ROBO1: variants seen among roughly 807,000 people sequenced by gnomAD.
ROBO1 encodes roundabout guidance receptor 1.
In ROBO1, 149 loss-of-function variants were observed where a neutral mutation model predicts 195.9. The observed-to-expected ratio is 0.76, with a 90% CI of 0.67 to 0.87. ROBO1 has a LOEUF of 0.87. ROBO1 is among the 40% of genes least tolerant of loss of function. The pLI is 0.00. For missense variants in ROBO1, 1,933 were observed against 2,068.3 expected, an observed-to-expected ratio of 0.93 and a Z score of 1.27; for synonymous variants, 816 against 733.2, an observed-to-expected ratio of 1.11 and a Z score of -1.82.
intron 2 of ROBO1, among the ~76,000 whole-genome samples, chr3:79,487,897 C>T (rs963089390): frequency 2.0e-5 from 3 of 151,878 alleles, no homozygotes; most frequent in African/African-American, 7.3e-5. Flanking sequence ...AAAATGGGAA[C>T]AATAACTCTC....
intron 1 of ROBO1, among the ~76,000 whole-genome samples, chr3:79,601,325 C>T (rs1320487880): frequency 2.0e-5 from 3 of 151,758 alleles, no homozygotes; most frequent in Non-Finnish European, 4.4e-5. Flanking sequence ...GGAGATGAAG[C>T]TAAAAAAATC....
chr3:79,169,642 A>G (rs1437709092), intron 2 of ROBO1, among the ~76,000 whole-genome samples: 4 of 152,192 alleles, frequency 2.6e-5, no homozygotes, highest in Non-Finnish European at 4.4e-5. Flanking sequence ...AAGATCCCTT[A>G]GGGTGGTTAA....
At chr3:79,693,599 T>C (rs1194032855) in intron 1 of ROBO1, among the ~76,000 whole-genome samples, 8 of 151,646 alleles carry the variant, frequency 5.3e-5, no homozygotes, top group Non-Finnish European at 8.8e-5. Context: ...GCTTGCCTAA[T>C]TTTTATAATT....
At chr3:79,177,789 T>A (rs1182995295) in intron 2 of ROBO1, among the ~76,000 whole-genome samples, 1 of 152,244 alleles carries the variant, frequency 6.6e-6, no homozygotes, top group African/African-American at 2.4e-5. Context: ...GGGTCCTCCC[T>A]GAATTACCTT....
chr3:79,528,415 A>G (rs1182824340), intron 2 of ROBO1, among the ~76,000 whole-genome samples: 2 of 152,200 alleles, frequency 1.3e-5, no homozygotes, highest in Non-Finnish European at 2.9e-5. Flanking sequence ...GGCAATCTAA[A>G]ACACCATTAC....
chr3:78,846,102 G>A (rs1327403085), intron 4 of ROBO1, among the ~76,000 whole-genome samples: 2 of 152,046 alleles, frequency 1.3e-5, no homozygotes, highest in Non-Finnish European at 2.9e-5. Context: ...AAACACTAGG[G>A]AGATGGTAAG....
intron 20 of ROBO1, 106 bp from the exon 21 acceptor site, chr3:78,646,296 C>T (rs1184247075): frequency 5.2e-6 from 5 of 965,626 alleles, no homozygotes; most frequent in Non-Finnish European, 7.9e-6. Context: ...TTCTGTCTTC[C>T]TAGACAGAAG....
At chr3:79,150,666 A>T (rs2080748940) in intron 2 of ROBO1, among the ~76,000 whole-genome samples, 1 of 151,820 alleles carries the variant, frequency 6.6e-6, no homozygotes. Context: ...CCTTTAAATA[A>T]AATAAAAAGT....
chr3:79,208,078 C>T (rs1409057371), intron 2 of ROBO1, among the ~76,000 whole-genome samples: 2 of 152,146 alleles, frequency 1.3e-5, no homozygotes, highest in East Asian at 3.8e-4. Flanking sequence ...GTTCCCCATG[C>T]TCAAATCTAA....
Position 78,940,222 on chromosome 3 carries a change from T to C in ROBO1, c.173-1295A>G, listed in dbSNP as rs557778022. Among the ~76,000 whole-genome samples the C allele has an allele frequency of 3.8e-3, 579 of 152,292 alleles. 2 individuals are homozygous for C. The highest frequency in any genetic ancestry group is 0.014 in the African/African-American group (564 of 41,568). ...TTTCCAAATTCCTCCTGAAAAGTTC[T>C]CAAATTACTCTGCTTAGCCTCATCT... On this transcript the variant is annotated intron_variant, in intron 3 of 30. Transcript: ENST00000464233.
chr3:78,859,562 T>A (rs917210439), intron 4 of ROBO1, among the ~76,000 whole-genome samples: 4 of 152,166 alleles, frequency 2.6e-5, no homozygotes, highest in African/African-American at 9.7e-5. Context: ...GGAAGAGATT[T>A]TTGTAGCTAA....
intron 4 of ROBO1, among the ~76,000 whole-genome samples, chr3:78,778,787 A>G (rs933905586): frequency 1.8e-4 from 28 of 152,222 alleles, no homozygotes; most frequent in African/African-American, 6.8e-4. Flanking sequence ...GAATCAAAAA[A>G]GAGCCCACAT....
intron 2 of ROBO1, among the ~76,000 whole-genome samples, chr3:79,515,364 C>T (rs1940899633): frequency 6.6e-6 from 1 of 152,190 alleles, no homozygotes; most frequent in African/African-American, 2.4e-5. Context: ...TCTTACTAGG[C>T]AGTATTCCAG....
chr3:79,752,892 T>A (rs1704197160), intron 1 of ROBO1, among the ~76,000 whole-genome samples: 1 of 152,026 alleles, frequency 6.6e-6, no homozygotes, highest in African/African-American at 2.4e-5. Context: ...CTGAGGGAAA[T>A]CCCAATTAAG....
At chr3:78,641,179 A>G (rs1300038542) in intron 21 of ROBO1, among the ~76,000 whole-genome samples, 1 of 152,176 alleles carries the variant, frequency 6.6e-6, no homozygotes, top group Non-Finnish European at 1.5e-5. Context: ...CAATTTTACA[A>G]GGGAGGTACT....
intron 2 of ROBO1, among the ~76,000 whole-genome samples, chr3:79,481,151 A>C (rs1938832280): frequency 6.6e-6 from 1 of 152,164 alleles, no homozygotes. Flanking sequence ...CTATAGAAAG[A>C]AATCGACTGC....
chr3:79,658,544 A>T (rs1248590279), intron 1 of ROBO1, among the ~76,000 whole-genome samples: 1 of 152,012 alleles, frequency 6.6e-6, no homozygotes, highest in Non-Finnish European at 1.5e-5. Context: ...TACCCTAATT[A>T]TTTTTGACAG....
intron 4 of ROBO1, among the ~76,000 whole-genome samples, chr3:78,921,457 C>T (rs1471255990): frequency 1.3e-5 from 2 of 152,096 alleles, no homozygotes; most frequent in Non-Finnish European, 2.9e-5. Context: ...GATAAATGAA[C>T]AGTTTTATAA....
intron 3 of ROBO1, among the ~76,000 whole-genome samples, chr3:79,066,294 G>T (rs924872758): frequency 4.0e-5 from 6 of 151,824 alleles, no homozygotes; most frequent in African/African-American, 1.5e-4. Context: ...TGACTTTGAT[G>T]GGACACACAT....
Sources: allele counts gnomAD v4.1 joint callset (sites outside exome capture counted in the v4.1 genomes callset), GRCh38; gene constraint gnomAD v4.1.1; transcripts MANE v1.5; gene names NCBI Gene and HGNC (gene_info 2026-07-23, HGNC 2026-07-21).